The following MAP3K7CL variants were observed in gnomAD, a reference collection of about 807,000 sequenced individuals.
The protein encoded by MAP3K7CL is MAP3K7 C-terminal like.
A neutral mutation model predicts 18.6 loss-of-function variants in MAP3K7CL; 16 were observed. The observed-to-expected ratio is 0.86, with a 90% CI of 0.58 to 1.31. The LOEUF (loss-of-function observed/expected upper bound fraction) is 1.31. Among genes scored for constraint, MAP3K7CL ranks in the 50% most tolerant of loss-of-function variants. The pLI, the probability that MAP3K7CL is intolerant of heterozygous loss-of-function variation, is 0.00. For missense variants in MAP3K7CL, 163 were observed against 174.4 expected, an observed-to-expected ratio of 0.93 and a Z score of 0.37; for synonymous variants, 65 against 66.8, an observed-to-expected ratio of 0.97 and a Z score of 0.13.
At chr21:29,157,817 C>T (rs1210756095) in intron 3 of MAP3K7CL, among the ~76,000 whole-genome samples, 4 of 152,122 alleles carry the variant, frequency 2.6e-5, no homozygotes, top group African/African-American at 7.2e-5. Context: ...AAGGCCTCTC[C>T]CTTCTTAAGA....
intron 2 of MAP3K7CL, among the ~76,000 whole-genome samples, chr21:29,138,013 A>G (rs2086921975): frequency 6.6e-6 from 1 of 152,204 alleles, no homozygotes; most frequent in African/African-American, 2.4e-5. Context: ...TTCAGGGTCC[A>G]TTTTGAAAGA....
At chr21:29,125,112 C>T (rs987590345) in intron 4 of MAP3K7CL, among the ~76,000 whole-genome samples, 1 of 152,044 alleles carries the variant, frequency 6.6e-6, no homozygotes, top group African/African-American at 2.4e-5. Context: ...ATGTTTTTGC[C>T]CCCTTGAAAA....
At chr21:29,082,374 C>G (rs2085850438), upstream of MAP3K7CL, among the ~76,000 whole-genome samples, 1 of 152,052 alleles carries the variant, frequency 6.6e-6, no homozygotes, top group South Asian at 2.1e-4. Flanking sequence ...TTTTGTATGC[C>G]TAGGACTGGT....
rs545483648 is a variant in MAP3K7CL at position 29,135,356 on chromosome 21, A to AATCCAGAG, written c.70+1943_70+1950dup. On this transcript the variant is annotated intron_variant, in intron 2 of 4. Transcript: ENST00000399928. Reference sequence around the variant, plus strand: ...TCAAGACACACGCGTGCAAACCCAAAATCCAGAGGGAAGGAAAATGTATAA... The same window carrying AATCCAGAG: ...TCAAGACACACGCGTGCAAACCCAAAATCCAGAGATCCAGAGGGAAGGAAAATGTATAA... Among the ~76,000 whole-genome samples, 284 of 152,236 alleles carry AATCCAGAG rather than the reference A, an allele frequency of 1.9e-3. 4 individuals carry two copies. The highest frequency in any genetic ancestry group is 6.7e-3 in the African/African-American group (277 of 41,534).
At chr21:29,142,801 C>T (rs1380218085) in intron 2 of MAP3K7CL, among the ~76,000 whole-genome samples, 2 of 152,196 alleles carry the variant, frequency 1.3e-5, no homozygotes, top group Admixed American at 6.5e-5. Flanking sequence ...TAATACCCTT[C>T]CCATTTTGCA....
chr21:29,095,905 T>G (rs573424981), intron 4 of MAP3K7CL, among the ~76,000 whole-genome samples: 2 of 152,304 alleles, frequency 1.3e-5, no homozygotes, highest in Admixed American at 6.5e-5. Flanking sequence ...CACAAAACAA[T>G]TAGGGCAGTG....
At chr21:29,132,425 G>C (rs1393080549) in intron 1 of MAP3K7CL, among the ~76,000 whole-genome samples, 1 of 152,050 alleles carries the variant, frequency 6.6e-6, no homozygotes, top group African/African-American at 2.4e-5. Flanking sequence ...GAAATGTTTG[G>C]TAGACTTACA....
chr21:29,160,110 C>A, intron 4 of MAP3K7CL, 54 bp downstream of exon 4: 1 of 1,448,004 alleles, frequency 6.9e-7, no homozygotes, highest in Non-Finnish European at 9.7e-7. Context: ...TGGGCAAGGA[C>A]CAGGGGCAAT....
chr21:29,139,196 T>A (rs2086949119), intron 2 of MAP3K7CL: 1 of 152,254 alleles, frequency 6.6e-6, no homozygotes, highest in Non-Finnish European at 1.5e-5. Context: ...TTGGGTGTTA[T>A]GTGAGATCTT....
intron 2 of MAP3K7CL, among the ~76,000 whole-genome samples, chr21:29,144,993 C>T (rs2087094889): frequency 6.6e-6 from 1 of 152,180 alleles, no homozygotes; most frequent in South Asian, 2.1e-4. Flanking sequence ...GCCAAACAGG[C>T]AGTGAACATC....
chr21:29,169,948 A>G (rs1292022511), intron 4 of MAP3K7CL, among the ~76,000 whole-genome samples: 1 of 152,210 alleles, frequency 6.6e-6, no homozygotes, highest in African/African-American at 2.4e-5. Flanking sequence ...TTACAGATTC[A>G]TGACTGCAGA....
rs982578815 is a variant in MAP3K7CL, at chr21:29,100,805, T to C, written c.370+8224T>C. Among the ~76,000 whole-genome samples the C allele has an allele frequency of 1.1e-4, 16 of 140,220 alleles. No homozygotes were observed. In the East Asian group the frequency reaches 2.5e-3, roughly 22 times the overall value. 92.0% of individuals were successfully genotyped at this position (140,220 alleles called of 152,430 possible). On this transcript the variant is annotated intron_variant, in intron 4 of 6. Coordinates refer to the MAP3K7CL transcript ENST00000286791. ...TCGGCTCACTGCAAGCTCCACCTCC[T>C]GGGTTCCCACCATTCTCCTGCCTCA...
intron 4 of MAP3K7CL, among the ~76,000 whole-genome samples, chr21:29,173,369 A>T (rs1451129964): frequency 1.3e-5 from 2 of 152,210 alleles, no homozygotes. Flanking sequence ...CTTTGAAATC[A>T]TATGTTAGAT....
At chr21:29,149,126 A>T in intron 2 of MAP3K7CL, 63 bp from the exon 3 acceptor site, 1 of 1,308,420 alleles carries the variant, frequency 7.6e-7, no homozygotes, top group Non-Finnish European at 1.1e-6. Context: ...ACTCTGGGGG[A>T]GTCCAAGGAC....
Position 29,133,404 on chromosome 21 carries a change from T to C in MAP3K7CL, c.60T>C (p.Asn20=), listed in dbSNP as rs2086817516. The C allele has an allele frequency of 6.5e-7, 1 of 1,548,294 alleles. No homozygotes were observed. The highest frequency in any genetic ancestry group is 8.7e-7 in the Non-Finnish European group (1 of 1,145,306). ...CTGTACGCATCGCCTTTAGCCTCAATGACGCCTCAGGTATACTCTGCTCTG... is the reference window on the plus strand; with the variant it reads ...CTGTACGCATCGCCTTTAGCCTCAACGACGCCTCAGGTATACTCTGCTCTG... ...DKPVRIAFSL[N]DASDDTPPED... is the part of the protein sequence containing the mutation. Residue 20 remains asparagine (N), a synonymous_variant, in exon 2 of 5, where the codon AAT becomes AAC. Coordinates refer to ENST00000399928, the MANE Select transcript of MAP3K7CL (RefSeq NM_001286620.2).
At chr21:29,167,550 A>G (rs201110753) in intron 4 of MAP3K7CL, among the ~76,000 whole-genome samples, 12 of 145,326 alleles carry the variant, frequency 8.3e-5, no homozygotes, top group Non-Finnish European at 1.2e-4. Context: ...TTTTTTTTTT[A>G]TGTTTAACCA....
intron 4 of MAP3K7CL, chr21:29,109,219 G>A: frequency 6.5e-7 from 1 of 1,535,318 alleles, no homozygotes; most frequent in African/African-American, 1.4e-5. Flanking sequence ...AGTATTAAGT[G>A]CTATGAGCTC....
chr21:29,111,927 C>T (rs2082967970), intron 4 of MAP3K7CL, among the ~76,000 whole-genome samples: 3 of 152,200 alleles, frequency 2.0e-5, no homozygotes, highest in African/African-American at 7.2e-5. Flanking sequence ...CTTATGTCTG[C>T]TTTCCAAACC....
At chr21:29,121,637 C>T (rs1164931869) in intron 4 of MAP3K7CL, among the ~76,000 whole-genome samples, 1 of 152,072 alleles carries the variant, frequency 6.6e-6, no homozygotes, top group Non-Finnish European at 1.5e-5. Flanking sequence ...TGAGCCAGAT[C>T]TTTAATGAGC....
Sources: allele counts gnomAD v4.1 joint callset (sites outside exome capture counted in the v4.1 genomes callset), GRCh38; gene constraint gnomAD v4.1.1; transcripts MANE v1.5; gene names NCBI Gene and HGNC (gene_info 2026-07-23, HGNC 2026-07-21).